The following BTAF1 variants were observed in gnomAD, a reference collection of about 807,000 sequenced individuals.
The protein encoded by BTAF1 is TATA-binding protein-associated factor 172.
A neutral mutation model predicts 227.1 loss-of-function variants in BTAF1; 38 were observed. The ratio of observed to expected loss-of-function variants is 0.17; its 90% CI spans 0.13 to 0.22. The LOEUF (loss-of-function observed/expected upper bound fraction) is 0.22. BTAF1 is among the 10% of genes least tolerant of loss of function. BTAF1 has a pLI of 1.00. For synonymous variants in BTAF1, 742 were observed against 751.9 expected (o/e 0.99, Z 0.21); for missense variants, 1,598 against 2,204.0 (o/e 0.73, Z 5.51).
rs530410748 is a variant in BTAF1, at chr10:91,924,221, C to T, written c.14+131C>T. Reference sequence around the variant, plus strand: ...CTCTGGAGCTTTCTTCAGTAGACTTCGGAGTTCGCCCCGTGGTCGGCGGGG... The same window carrying T: ...CTCTGGAGCTTTCTTCAGTAGACTTTGGAGTTCGCCCCGTGGTCGGCGGGG... On this transcript the variant is annotated intron_variant, in intron 1 of 37. Transcript: ENST00000265990. 3.2e-4 allele frequency: 403 copies of T among 1,263,902 alleles called. 1 individual carries two copies. Among genetic ancestry groups the T allele is most frequent in the Non-Finnish European group, 4.1e-4 (383 of 938,270 alleles). 78.3% of individuals were successfully genotyped at this position (1,263,902 alleles called of 1,614,324 possible). A position where few individuals can be genotyped will look rare whatever the true frequency, so the allele number is the denominator to read the frequency against.
intron 34 of BTAF1, among the ~76,000 whole-genome samples, chr10:92,022,108 T>G (rs1851182080): frequency 6.6e-6 from 1 of 152,164 alleles, no homozygotes; most frequent in Non-Finnish European, 1.5e-5. Context: ...CAGAGCAGAC[T>G]TGGGTTATAG....
chr10:91,943,376 A>G (rs1356457771), intron 4 of BTAF1, among the ~76,000 whole-genome samples: 1 of 152,198 alleles, frequency 6.6e-6, no homozygotes, highest in African/African-American at 2.4e-5. Flanking sequence ...TACAGAATCT[A>G]TCTGAATATA....
chr10:91,964,296 G>A, intron 13 of BTAF1, 95 bp downstream of exon 13: 1 of 1,375,550 alleles, frequency 7.3e-7, no homozygotes. Context: ...GCACCTTTAA[G>A]AATAATATTA....
At chr10:91,950,722 G>A (rs1194676928) in intron 4 of BTAF1, among the ~76,000 whole-genome samples, 2 of 152,122 alleles carry the variant, frequency 1.3e-5, no homozygotes, top group Non-Finnish European at 2.9e-5. Flanking sequence ...TGTTTGTTGA[G>A]CCCTTTTACT....
At position 91,993,832 on chromosome 10, in the gene BTAF1, G is replaced by A. The variant is rs758122724; in HGVS notation, c.3184G>A (p.Asp1062Asn). Residue 1062 changes from aspartate (D) to asparagine (N), a missense_variant, in exon 22 of 38, where the codon GAC becomes AAC. Physicochemically the swap from Asp to Asn is conservative, Grantham distance 23. This residue lies in a region of BTAF1 where 425 missense variants were observed against 491.2 expected (regional missense o/e 0.87). Transcript: ENST00000265990. ...AMVGPLRNTI[D>N]INNFDGKSLL... ...GGTTGGCCCATTGAGGAATACAATC[G>A]ACATAAATAATTTTGGTATACACAT... is the stretch of plus-strand genomic sequence containing the variant. 1.1e-5 allele frequency: 18 copies of A among 1,593,870 alleles called. No homozygotes were observed. The Admixed American group carries it at 3.0e-4, about 26-fold the overall frequency.
intron 1 of BTAF1, among the ~76,000 whole-genome samples, chr10:91,930,581 T>G (rs1236585184): frequency 6.6e-6 from 1 of 152,192 alleles, no homozygotes; most frequent in Non-Finnish European, 1.5e-5. Context: ...ATTAACATAG[T>G]TTCAAATTAC....
Position 91,942,518 on chromosome 10 carries a change from C to T in BTAF1, c.350C>T (p.Ser117Leu), listed in dbSNP as rs749754196. 6.2e-7 allele frequency: 1 copy of T among 1,614,146 alleles called. No individual in the cohort carries two copies. Among genetic ancestry groups the T allele is most frequent in the Non-Finnish European group, 8.5e-7 (1 of 1,180,030 alleles). The change falls in exon 4 of 38, where the codon TCA (serine) becomes TTA (leucine). Residue 117 changes from serine (S) to leucine (L), a missense_variant. By Grantham distance (145) the Ser-to-Leu change is moderately radical. Around this residue, in one of 10 missense-constraint regions of BTAF1, gnomAD observed 298 missense variants for 395.2 expected, o/e 0.75. Transcript: ENST00000265990. Reference sequence around the variant, plus strand: ...TGTAGATTGTTACAACATGGTGCATCACTCCTGGGATCTGCTGGTGCCGAA... The same window carrying T: ...TGTAGATTGTTACAACATGGTGCATTACTCCTGGGATCTGCTGGTGCCGAA... ...DICRLLQHGASLLGSAGAEFE... is the reference protein window; with the variant it reads ...DICRLLQHGALLLGSAGAEFE...
intron 25 of BTAF1, among the ~76,000 whole-genome samples, chr10:92,000,638 A>T (rs1849456911): frequency 6.6e-6 from 1 of 152,080 alleles, no homozygotes. Flanking sequence ...GGCTCCTGCA[A>T]CCTTTGCCTC....
intron 1 of BTAF1, among the ~76,000 whole-genome samples, chr10:91,926,946 T>G (rs1333285243): frequency 1.3e-5 from 2 of 152,208 alleles, no homozygotes; most frequent in African/African-American, 2.4e-5. Flanking sequence ...AAGTCCTTTG[T>G]GATCTGGTTC....
intron 17 of BTAF1, 115 bp from the exon 18 acceptor site, chr10:91,982,472 C>T: frequency 3.0e-6 from 4 of 1,327,066 alleles, no homozygotes; most frequent in Non-Finnish European, 1.0e-6. Flanking sequence ...GTTATGGCTT[C>T]AAAAAGCCAA....
At position 91,994,523 on chromosome 10, in the gene BTAF1, A is replaced by G. The variant is rs765561667; in HGVS notation, c.3200-12A>G. 1.3e-5 allele frequency: 20 copies of G among 1,581,056 alleles called. No homozygotes were observed. The East Asian group carries it at 3.1e-4, about 25-fold the overall frequency. On this transcript the variant is annotated splice_polypyrimidine_tract_variant and intron_variant, in intron 22 of 37. Coordinates refer to ENST00000265990, the MANE Select transcript of BTAF1 (RefSeq NM_003972.3). The stretch of plus-strand genomic sequence containing the variant: ...TTATTTGCCAGATAATACAGACAAT[A>G]TATTTTAACAGATGGAAAATCCCTC...
intron 11 of BTAF1, 87 bp downstream of exon 11, chr10:91,960,241 A>T: frequency 7.3e-7 from 1 of 1,378,746 alleles, no homozygotes; most frequent in Non-Finnish European, 9.8e-7. Context: ...ATGGCCGTAG[A>T]TTCTTACTGT....
In BTAF1 at chr10:91,993,132, TAAA is replaced by T. The variant is rs1323172407; in HGVS notation, c.3046-559_3046-557del. Among the ~76,000 whole-genome samples the T allele has an allele frequency of 7.2e-5, 11 of 152,342 alleles. No homozygotes were observed. The East Asian group carries it at 2.1e-3, about 29-fold the overall frequency. ...CAATATTTCCCTATAATAATTGTAATAAAAATTTTACTGTGATTTTGATATTTA... is the reference window on the plus strand; with the variant it reads ...CAATATTTCCCTATAATAATTGTAATAATTTTACTGTGATTTTGATATTTA... On this transcript the variant is annotated intron_variant, in intron 21 of 37. Transcript: ENST00000265990.
intron 34 of BTAF1, among the ~76,000 whole-genome samples, chr10:92,019,373 T>C (rs983037452): frequency 2.0e-5 from 3 of 152,248 alleles, no homozygotes; most frequent in African/African-American, 7.2e-5. Context: ...TAGTCAGTTT[T>C]ATGGATATAG....
chr10:91,943,384 A>G (rs2133823910), intron 4 of BTAF1, among the ~76,000 whole-genome samples: 1 of 152,338 alleles, frequency 6.6e-6, no homozygotes, highest in African/African-American at 2.4e-5. Flanking sequence ...CTATCTGAAT[A>G]TAAAATTACT....
intron 4 of BTAF1, 122 bp from the exon 5 acceptor site, chr10:91,951,281 G>C (rs1398878430): frequency 1.1e-6 from 1 of 944,908 alleles, no homozygotes; most frequent in African/African-American, 1.7e-5. Context: ...GAATGAATAT[G>C]GTTGGTTTTA....
chr10:92,007,974 G>A (rs1850040917), intron 25 of BTAF1, 149 bp from the exon 26 acceptor site: 1 of 681,168 alleles, frequency 1.5e-6, no homozygotes, highest in African/African-American at 1.9e-5. Context: ...CACCTTTAAT[G>A]CTTGTCAATT....
chr10:92,015,627 A>G (rs147303305), intron 32 of BTAF1, among the ~76,000 whole-genome samples: 1 of 152,312 alleles, frequency 6.6e-6, no homozygotes, highest in Non-Finnish European at 1.5e-5. Flanking sequence ...TGTGAAAAAA[A>G]TCTGTGGTGA....
At chr10:92,001,592 C>T (rs1421669620) in intron 25 of BTAF1, among the ~76,000 whole-genome samples, 5 of 152,000 alleles carry the variant, frequency 3.3e-5, no homozygotes, top group Non-Finnish European at 5.9e-5. Context: ...CAAGCCTTAA[C>T]GGGTTCTAAT....
Sources: gnomAD v4.1 joint callset for allele counts (sites outside exome capture counted in the v4.1 genomes callset) on GRCh38, gnomAD v4.1.1 for gene constraint, gnomAD v4.1.1 regional missense constraint, MANE v1.5 for transcripts, NCBI Gene and HGNC (gene_info 2026-07-23, HGNC 2026-07-21) for gene names.